Variants in PARP9 observed in about 807,000 individuals in gnomAD.
PARP9 encodes the protein poly(ADP-ribose) polymerase family member 9.
PARP9 carries 48 observed loss-of-function variants against 68.8 expected under a neutral mutation model. That is an observed-to-expected ratio of 0.70 (90% CI 0.55 to 0.89). The LOEUF (loss-of-function observed/expected upper bound fraction) is 0.89. PARP9 is among the 40% of genes least tolerant of loss of function. The pLI is 0.00. For missense variants in PARP9, 806 were observed against 969.3 expected (o/e 0.83, Z 2.24); for synonymous variants, 309 against 333.8 (o/e 0.93, Z 0.81).
intron 8 of PARP9, among the ~76,000 whole-genome samples, chr3:122,539,816 G>A (rs1369796772): frequency 6.6e-6 from 1 of 151,840 alleles, no homozygotes; most frequent in African/African-American, 2.4e-5. Context: ...CGCCCACCTC[G>A]GCCTCCCAAA....
intron 1 of PARP9, 37 bp from the exon 2 acceptor site, chr3:122,559,746 C>A: frequency 1.1e-6 from 1 of 890,304 alleles, no homozygotes; most frequent in South Asian, 2.7e-5. Flanking sequence ...TAAACATTAG[C>A]CAGAATCTTA....
intron 10 of PARP9, chr3:122,534,517 T>G (rs2077507127): frequency 1.2e-6 from 1 of 840,410 alleles, no homozygotes; most frequent in African/African-American, 1.8e-5. Flanking sequence ...TCATTGCAGT[T>G]TTCCCGCTCC....
At chr3:122,559,112 CAGAT>C (rs1189787318) in intron 2 of PARP9, among the ~76,000 whole-genome samples, 1 of 152,172 alleles carries the variant, frequency 6.6e-6, no homozygotes, top group African/African-American at 2.4e-5. Context: ...CCCAAACTCT[CAGAT>C]AGACTCCAAT....
chr3:122,545,673 C>A, intron 6 of PARP9, 184 bp from the exon 7 acceptor site: 2 of 574,416 alleles, frequency 3.5e-6, no homozygotes, highest in Non-Finnish European at 6.2e-6. Flanking sequence ...TATTAGAACA[C>A]GGAAAGAATA....
chr3:122,551,997 C>T (rs992237118), intron 5 of PARP9, among the ~76,000 whole-genome samples: 3 of 152,182 alleles, frequency 2.0e-5, no homozygotes, highest in African/African-American at 4.8e-5. Flanking sequence ...CTCACTGCAG[C>T]CTCAATCTCC....
intron 7 of PARP9, among the ~76,000 whole-genome samples, chr3:122,542,257 C>CTTTTT (rs1175844599): frequency 4.8e-5 from 5 of 104,040 alleles, no homozygotes; most frequent in Non-Finnish European, 9.4e-5. Context: ...TCTACTACTA[C>CTTTTT]TTTTTTTTTT....
In PARP9 at chr3:122,528,645, A is replaced by G; in HGVS notation, c.2179T>C (p.Phe727Leu). Residue 727 changes from phenylalanine (F) to leucine (L), a missense_variant, in exon 11 of 11, where the codon TTT becomes CTT. This residue lies in a region of PARP9 where 680 missense variants were observed against 858.8 expected (regional missense o/e 0.79). Coordinates refer to ENST00000682323, the MANE Select transcript of PARP9 (RefSeq NM_001146105.2). ...ISAADKLIYV[F>L]EAEVLTGFFC... ...AAGCCTGTGAGTACTTCAGCCTCAA[A>G]CACATAGATCAGCTTATCTGCAGCA... 1.2e-6 allele frequency: 2 copies of G among 1,614,174 alleles called. No individual in the cohort carries two copies. Among genetic ancestry groups the G allele is most frequent in the Non-Finnish European group, 8.5e-7 (1 of 1,180,020 alleles).
At chr3:122,556,215 CTG>C (rs1404655203) in intron 3 of PARP9, 94 bp from the exon 4 acceptor site, 4 of 833,848 alleles carry the variant, frequency 4.8e-6, no homozygotes, top group African/African-American at 3.7e-5. Flanking sequence ...TACCAGGAGA[CTG>C]TGTTTCCTAT....
intron 1 of PARP9, among the ~76,000 whole-genome samples, chr3:122,562,536 A>T (rs1312257776): frequency 6.6e-6 from 1 of 152,122 alleles, no homozygotes; most frequent in Non-Finnish European, 1.5e-5. Context: ...CTAGTTTGAC[A>T]TTTTATTGTT....
Position 122,556,141 on chromosome 3 carries a change from TAAAAAAAAAA to T in PARP9, c.50-30_50-21del, listed in dbSNP as rs745677021. 0.15 allele frequency: 30,924 copies of T among 209,318 alleles called. 1,516 individuals are homozygous for T. Among genetic ancestry groups the T allele is most frequent in the East Asian group, 0.29 (4,006 of 13,872 alleles). The allele number at this position is 209,318 out of a possible 1,614,324, so 13.0% of individuals were successfully genotyped here. A position where few individuals can be genotyped will look rare whatever the true frequency, so the allele number is the denominator to read the frequency against. On this transcript the variant is annotated intron_variant, in intron 3 of 10. Coordinates refer to ENST00000682323, the MANE Select transcript of PARP9 (RefSeq NM_001146105.2). ...CAGTCTCTGGAAAAGAAGAGAAGAT[TAAAAAAAAAA>T]AAAAAAAAAAAAAAAAAAAAAAGCA... is the stretch of plus-strand genomic sequence containing the variant.
intron 2 of PARP9, among the ~76,000 whole-genome samples, chr3:122,559,175 G>T (rs2079977803): frequency 1.3e-5 from 2 of 152,200 alleles, no homozygotes; most frequent in Admixed American, 1.3e-4. Context: ...GGGGACATGA[G>T]CCTCATCAGC....
upstream of PARP9, chr3:122,564,394 C>T (rs34377629): frequency 1.3e-6 from 2 of 1,584,546 alleles, no homozygotes; most frequent in East Asian, 2.3e-5. Context: ...AGCTGCCTCC[C>T]GGAGCCCCCG....
At position 122,540,493 on chromosome 3, in the gene PARP9, GCTCC is replaced by G; in HGVS notation, c.1740_1743del (p.Lys580AsnfsTer8). 2 of 1,613,364 alleles carry G rather than the reference GCTCC, an allele frequency of 1.2e-6. No individual in the cohort carries two copies. The highest frequency in any genetic ancestry group is 1.7e-6 in the Non-Finnish European group (2 of 1,179,598). ...TCACCTAACGAGCGCCAAAGGCCTC[GCTCC>G]TTTTTCCTTGCCATTTCCTCCTGTA... On this transcript the variant is annotated frameshift_variant, in exon 8 of 11. Transcript: ENST00000682323. LOFTEE classifies it high-confidence loss of function.
At position 122,528,220 on chromosome 3, in the gene PARP9, TG is replaced by T; in HGVS notation, c.*143del. 2.8e-6 allele frequency: 3 copies of T among 1,053,204 alleles called. No homozygotes were observed. The highest frequency in any genetic ancestry group is 4.1e-6 in the Non-Finnish European group (3 of 729,902). The allele number at this position is 1,053,204 out of a possible 1,614,324, so 65.2% of individuals were successfully genotyped here. A position where few individuals can be genotyped will look rare whatever the true frequency, so the allele number is the denominator to read the frequency against. On this transcript the variant is annotated 3_prime_UTR_variant, in exon 11 of 11. Transcript: ENST00000682323. ...AGATAAAGGCACTAAGATGCTAGTATGTGGCTAGTCCTTTCAATAACCCAGT... is the reference window on the plus strand; with the variant it reads ...AGATAAAGGCACTAAGATGCTAGTATTGGCTAGTCCTTTCAATAACCCAGT...
chr3:122,551,146 C>A (rs2079170242), intron 5 of PARP9, among the ~76,000 whole-genome samples: 1 of 152,182 alleles, frequency 6.6e-6, no homozygotes, highest in Non-Finnish European at 1.5e-5. Flanking sequence ...ACGTCAAGAG[C>A]CCTTGAATTT....
At chr3:122,546,283 G>A (rs1367235168) in intron 6 of PARP9, among the ~76,000 whole-genome samples, 1 of 152,236 alleles carries the variant, frequency 6.6e-6, no homozygotes, top group Non-Finnish European at 1.5e-5. Flanking sequence ...CCAGGCTGTT[G>A]ACATGTAGTA....
chr3:122,531,775 G>GT (rs2077322330), intron 10 of PARP9: 1 of 142,480 alleles, frequency 7.0e-6, no homozygotes. Context: ...CAGAGCATGG[G>GT]TTGTTTTTTT....
At chr3:122,561,136 G>A (rs1189980603) in intron 1 of PARP9, among the ~76,000 whole-genome samples, 1 of 152,152 alleles carries the variant, frequency 6.6e-6, no homozygotes, top group Admixed American at 6.5e-5. Context: ...CTATAACCTG[G>A]CTCCCTGCCT....
chr3:122,560,888 T>C (rs1362758224), intron 1 of PARP9, among the ~76,000 whole-genome samples: 1 of 152,224 alleles, frequency 6.6e-6, no homozygotes, highest in African/African-American at 2.4e-5. Context: ...GCTTTGGCCA[T>C]GGGCTTTTGC....
Sources: allele counts gnomAD v4.1 joint callset (sites outside exome capture counted in the v4.1 genomes callset), GRCh38; gene constraint gnomAD v4.1.1; regional missense constraint gnomAD v4.1.1; transcripts MANE v1.5; gene names NCBI Gene and HGNC (gene_info 2026-07-23, HGNC 2026-07-21).